Variants in PLA2G6 observed in about 807,000 individuals in gnomAD.
PLA2G6 encodes 85/88 kDa calcium-independent phospholipase A2.
PLA2G6 carries 62 observed loss-of-function variants against 83.8 expected under a neutral mutation model. That is an observed-to-expected ratio of 0.74 (90% confidence interval 0.60 to 0.91). The LOEUF is 0.91. Ranked by LOEUF, PLA2G6 falls within the 40% of genes least tolerant of loss-of-function variation. The pLI is 0.00. For missense variants in PLA2G6, 944 were observed against 1,102.0 expected, an observed-to-expected ratio of 0.86 and a Z score of 2.03; for synonymous variants, 417 against 449.8, an observed-to-expected ratio of 0.93 and a Z score of 0.92.
intron 2 of PLA2G6, chr22:38,145,899 G>A (rs149833648): frequency 0.014 from 7,160 of 508,312 alleles, 83 homozygotes; most frequent in Admixed American, 0.031. Flanking sequence ...TTAGAGACAA[G>A]GTCTTGCTCT....
chr22:38,168,971 A>G (rs1320046522), intron 2 of PLA2G6, among the ~76,000 whole-genome samples: 2 of 152,150 alleles, frequency 1.3e-5, no homozygotes, highest in African/African-American at 4.8e-5. Context: ...ATATAGGTCG[A>G]GCCTCCAGGC....
chr22:38,171,118 G>A (rs1159103484), intron 1 of PLA2G6, among the ~76,000 whole-genome samples: 2 of 150,372 alleles, frequency 1.3e-5, no homozygotes, highest in African/African-American at 4.9e-5. Flanking sequence ...GTTGCGGTGA[G>A]CTGAGATGGC....
Position 38,123,410 on chromosome 22 carries a change from G to A in PLA2G6, c.1428-152C>T. Reference sequence around the variant, plus strand: ...TTCTGTCCTATGCAGGACAGCGAGGGTGGGGGTGAGGGCAGTAAAGGAACA... The same window carrying A: ...TTCTGTCCTATGCAGGACAGCGAGGATGGGGGTGAGGGCAGTAAAGGAACA... On this transcript the variant is annotated intron_variant, in intron 10 of 16. Coordinates refer to ENST00000332509, the MANE Select transcript of PLA2G6 (RefSeq NM_003560.4). This position sits in a 1 kb window ranked among gnomAD's most constrained non-coding sequence, Gnocchi z 4.1. 1.3e-6 allele frequency: 1 copy of A among 772,590 alleles called. No individual in the cohort carries two copies. Among genetic ancestry groups the A allele is most frequent in the Non-Finnish European group, 2.2e-6 (1 of 451,592 alleles). The allele number at this position is 772,590 out of a possible 1,614,324, so 47.9% of individuals were successfully genotyped here. A position where few individuals can be genotyped will look rare whatever the true frequency, so the allele number is the denominator to read the frequency against.
chr22:38,174,293 G>A (rs1295908335), intron 1 of PLA2G6, among the ~76,000 whole-genome samples: 2 of 152,084 alleles, frequency 1.3e-5, no homozygotes, highest in African/African-American at 4.8e-5. Flanking sequence ...AGCTATTCGG[G>A]AGGCTGAGGC....
intron 12 of PLA2G6, among the ~76,000 whole-genome samples, chr22:38,118,124 AT>A (rs2087317761): frequency 1.3e-5 from 2 of 152,180 alleles, no homozygotes; most frequent in South Asian, 4.1e-4. Flanking sequence ...CAAAGATAAA[AT>A]TGCAACAAAT....
intron 14 of PLA2G6, 86 bp downstream of exon 14, chr22:38,115,441 T>C: frequency 7.8e-7 from 1 of 1,284,682 alleles, no homozygotes; most frequent in Admixed American, 1.9e-5. Flanking sequence ...CCTGCTGTCC[T>C]GGGGGTCGGT....
At chr22:38,116,307 T>C (rs2145686691) in intron 12 of PLA2G6, 96 bp from the exon 13 acceptor site, 1 of 1,340,540 alleles carries the variant, frequency 7.5e-7, no homozygotes, top group African/African-American at 1.4e-5. Context: ...GGTAGCAGAG[T>C]GCCCACTCCA....
rs768535131 is a variant in PLA2G6, at chr22:38,129,577, G to C, written c.1078-15C>G. 2.5e-6 allele frequency: 4 copies of C among 1,591,180 alleles called. No homozygotes were observed. Among genetic ancestry groups the C allele is most frequent in the South Asian group, 1.1e-5 (1 of 90,640 alleles). On this transcript the variant is annotated splice_polypyrimidine_tract_variant and intron_variant, in intron 7 of 16. Coordinates refer to ENST00000332509, the MANE Select transcript of PLA2G6 (RefSeq NM_003560.4). ...ACGTTGTCTTTCTGTTGGAGATGGA[G>C]AGAGGATAAGACGTGCAACTGCCGG...
At position 38,128,530 on chromosome 22, in the gene PLA2G6, G is replaced by T; in HGVS notation, c.1187-100C>A. 2 of 1,347,718 alleles carry T rather than the reference G, an allele frequency of 1.5e-6. No homozygotes were observed. The highest frequency in any genetic ancestry group is 2.1e-6 in the Non-Finnish European group (2 of 966,958). 83.5% of individuals were successfully genotyped at this position (1,347,718 alleles called of 1,614,324 possible). A position where few individuals can be genotyped will look rare whatever the true frequency, so the allele number is the denominator to read the frequency against. On this transcript the variant is annotated intron_variant, in intron 8 of 16. Transcript: ENST00000332509. The surrounding 1 kb of genome is among the most constrained non-coding windows in gnomAD (Gnocchi z 4.4). Reference sequence around the variant, plus strand: ...TTTCCACACTCCGTCCCCTGTCCCAGCTCCCAGGCCCTGGGCACGTGGGCT... The same window carrying T: ...TTTCCACACTCCGTCCCCTGTCCCATCTCCCAGGCCCTGGGCACGTGGGCT...
intron 5 of PLA2G6, chr22:38,135,689 G>A (rs11570665): frequency 0.024 from 3,612 of 152,560 alleles, 155 homozygotes; most frequent in African/African-American, 0.082. Context: ...CCCAAAGAAA[G>A]TGCTCCATCA....
intron 1 of PLA2G6, among the ~76,000 whole-genome samples, chr22:38,170,681 G>T (rs2090404083): frequency 6.6e-6 from 1 of 152,128 alleles, no homozygotes; most frequent in South Asian, 2.1e-4. Flanking sequence ...TCTGTGCCAA[G>T]ATGTCACCAG....
rs752255653 is a variant in PLA2G6 at position 38,169,249 on chromosome 22, C to T, written c.178G>A (p.Val60Ile). 1.1e-5 allele frequency: 18 copies of T among 1,613,984 alleles called. No homozygotes were observed. The highest frequency in any genetic ancestry group is 1.5e-5 in the Non-Finnish European group (18 of 1,179,968). The change falls in exon 2 of 17, where the codon GTC becomes ATC. Residue 60 changes from valine (V) to isoleucine (I), a missense_variant. By Grantham distance (29) the Val-to-Ile change is conservative. Transcript: ENST00000332509. Reference protein sequence around the residue: ...TPNRTWDCVLVNPRNSQSGFR... With the variant: ...TPNRTWDCVLINPRNSQSGFR... The stretch of plus-strand genomic sequence containing the variant: ...CCACTCTGTGAGTTCCTGGGGTTGA[C>T]CAGGACGCAGTCCCAGGTGCGGTTG...
chr22:38,165,354 T>A (rs2090173742), intron 2 of PLA2G6, among the ~76,000 whole-genome samples: 1 of 152,086 alleles, frequency 6.6e-6, no homozygotes, highest in Non-Finnish European at 1.5e-5. Flanking sequence ...GGATCCCCAG[T>A]GCAGGGACGG....
Position 38,178,258 on chromosome 22 carries a change from G to A in PLA2G6, c.-46+3406C>T, listed in dbSNP as rs375579712. 4.9e-4 allele frequency among the ~76,000 whole-genome samples: 75 copies of A among 152,194 alleles called. 2 individuals are homozygous for A. In the East Asian group the frequency reaches 6.0e-3, roughly 12 times the overall value. On this transcript the variant is annotated intron_variant, in intron 1 of 16. Transcript: ENST00000332509. The stretch of plus-strand genomic sequence containing the variant: ...GATTGTGGCAGGCATTGTTCTAACC[G>A]CTGAGGATACAATCGTAAACAAAAC...
At chr22:38,114,817 C>G (rs1393163624) in intron 14 of PLA2G6, among the ~76,000 whole-genome samples, 1 of 152,234 alleles carries the variant, frequency 6.6e-6, no homozygotes, top group Non-Finnish European at 1.5e-5. Flanking sequence ...CAAGGCCTCG[C>G]AGCCTCCCCA....
chr22:38,173,329 T>C (rs762499491), intron 1 of PLA2G6, among the ~76,000 whole-genome samples: 1 of 151,978 alleles, frequency 6.6e-6, no homozygotes, highest in Non-Finnish European at 1.5e-5. Context: ...TCCTCCTCCT[T>C]ACCTGGGCTT....
intron 1 of PLA2G6, among the ~76,000 whole-genome samples, chr22:38,169,988 A>C (rs1386062613): frequency 2.0e-5 from 3 of 152,266 alleles, no homozygotes; most frequent in African/African-American, 7.2e-5. Context: ...ATTTGAGGTC[A>C]GAAATTCGAG....
intron 9 of PLA2G6, chr22:38,126,769 T>C (rs2087886317): frequency 2.5e-6 from 1 of 405,358 alleles, no homozygotes; most frequent in Non-Finnish European, 4.7e-6. Flanking sequence ...TACCCTTGCG[T>C]GTCCTCTTCA....
rs1569252090 is a variant in PLA2G6, at chr22:38,123,120, G to A, written c.1566C>T (p.Gly522=). 6.5e-7 allele frequency: 1 copy of A among 1,549,668 alleles called. No homozygotes were observed. The highest frequency in any genetic ancestry group is 8.7e-7 in the Non-Finnish European group (1 of 1,147,220). ...TGTGCAGAATGGCCAGGGCCAGGATGCCTCCAGTGCTGGTGCCCGCCACCC... is the reference window on the plus strand; with the variant it reads ...TGTGCAGAATGGCCAGGGCCAGGATACCTCCAGTGCTGGTGCCCGCCACCC... ...FDWVAGTSTG[G]ILALAILHSK... is the part of the protein sequence containing the mutation. The change falls in exon 11 of 17, where the codon GGC becomes GGT. Residue 522 remains glycine, a synonymous_variant. Coordinates refer to ENST00000332509, the MANE Select transcript of PLA2G6 (RefSeq NM_003560.4). This position sits in a 1 kb window ranked among gnomAD's most constrained non-coding sequence, Gnocchi z 4.1.
Sources: allele counts gnomAD v4.1 joint callset (sites outside exome capture counted in the v4.1 genomes callset), GRCh38; gene constraint gnomAD v4.1.1; non-coding constraint Gnocchi (gnomAD v3.1); transcripts MANE v1.5; gene names NCBI Gene and HGNC (gene_info 2026-07-23, HGNC 2026-07-21).